Variants in INPP5A observed in about 807,000 individuals in gnomAD.
INPP5A encodes inositol polyphosphate-5-phosphatase A, also known as 43 kDa inositol polyphosphate 5-phophatase.
INPP5A carries 14 observed loss-of-function variants against 65.2 expected under a neutral mutation model. The ratio of observed to expected loss-of-function variants is 0.21; its 90% confidence interval spans 0.14 to 0.34. INPP5A has a LOEUF of 0.34. Ranked by LOEUF, INPP5A falls within the 10% of genes least tolerant of loss-of-function variation. INPP5A has a pLI of 1.00. For synonymous variants in INPP5A, 207 were observed against 208.3 expected, an observed-to-expected ratio of 0.99 and a Z score of 0.05; for missense variants, 431 against 545.6, an observed-to-expected ratio of 0.79 and a Z score of 2.09.
intron 12 of INPP5A, among the ~76,000 whole-genome samples, chr10:132,768,036 T>C (rs1212667224): frequency 4.9e-3 from 409 of 82,934 alleles, no homozygotes; most frequent in Admixed American, 7.1e-3. Flanking sequence ...CCGTGGACCC[T>C]GACCCTCAGC....
intron 3 of INPP5A, among the ~76,000 whole-genome samples, chr10:132,646,417 A>G (rs1590891781): frequency 6.6e-6 from 1 of 152,148 alleles, no homozygotes; most frequent in African/African-American, 2.4e-5. Context: ...CCCACTGTAC[A>G]TGCCCTGAGG....
At chr10:132,748,423 G>A (rs543598506) in intron 9 of INPP5A, among the ~76,000 whole-genome samples, 103 of 152,266 alleles carry the variant, frequency 6.8e-4, no homozygotes, top group African/African-American at 2.3e-3. Context: ...TCCCTTGTTC[G>A]GTGAGGTTCT....
At chr10:132,692,426 TC>T (rs1285012432) in intron 5 of INPP5A, among the ~76,000 whole-genome samples, 2 of 152,022 alleles carry the variant, frequency 1.3e-5, no homozygotes, top group Non-Finnish European at 2.9e-5. Context: ...AAACCACAGA[TC>T]CAGAAAGCTC....
At chr10:132,605,036 C>T (rs1473591036) in intron 1 of INPP5A, among the ~76,000 whole-genome samples, 1 of 151,968 alleles carries the variant, frequency 6.6e-6, no homozygotes, top group African/African-American at 2.4e-5. Flanking sequence ...CTTGTGTTTT[C>T]TGAGAATCAC....
intron 1 of INPP5A, among the ~76,000 whole-genome samples, chr10:132,573,337 T>C (rs12762390): frequency 0.012 from 1,422 of 122,770 alleles, 13 homozygotes; most frequent in Admixed American, 0.026. Context: ...GTGTGTGTGC[T>C]GTGTGAGGTT....
intron 9 of INPP5A, among the ~76,000 whole-genome samples, chr10:132,748,841 A>G (rs574205050): frequency 6.6e-6 from 1 of 152,260 alleles, no homozygotes; most frequent in Admixed American, 6.5e-5. Flanking sequence ...ACCCTGCAGC[A>G]CTGCTGCCCC....
At chr10:132,673,039 T>C (rs940830451) in intron 4 of INPP5A, among the ~76,000 whole-genome samples, 5 of 152,216 alleles carry the variant, frequency 3.3e-5, no homozygotes, top group African/African-American at 1.2e-4. Flanking sequence ...GACGCCCTAA[T>C]GGATCTCCTG....
intron 8 of INPP5A, among the ~76,000 whole-genome samples, chr10:132,720,714 G>C (rs1845855745): frequency 6.6e-6 from 1 of 150,742 alleles, no homozygotes; most frequent in Non-Finnish European, 1.5e-5. Context: ...GCTGTCTTCA[G>C]GGTTCTGTGG....
chr10:132,680,333 C>T (rs560805116), intron 4 of INPP5A, among the ~76,000 whole-genome samples: 57 of 152,280 alleles, frequency 3.7e-4, no homozygotes, highest in Admixed American at 7.2e-4. Context: ...TGGAGACGGC[C>T]GATAAGTACA....
intron 12 of INPP5A, among the ~76,000 whole-genome samples, chr10:132,773,599 G>A (rs1846993220): frequency 6.6e-6 from 1 of 152,210 alleles, no homozygotes; most frequent in Non-Finnish European, 1.5e-5. Context: ...GTGCTCAGGA[G>A]GGAGCGAGGC....
intron 4 of INPP5A, among the ~76,000 whole-genome samples, chr10:132,673,420 T>C (rs181810614): frequency 7.2e-5 from 11 of 152,336 alleles, no homozygotes; most frequent in Middle Eastern, 3.4e-3. Context: ...GTATCATATA[T>C]TGGACGCTGA....
intron 4 of INPP5A, among the ~76,000 whole-genome samples, chr10:132,680,573 C>T (rs1310247868): frequency 3.3e-5 from 5 of 152,226 alleles, no homozygotes; most frequent in Non-Finnish European, 4.4e-5. Flanking sequence ...CTGGAGGAGC[C>T]CTTCAGCCCA....
At chr10:132,687,870 G>A (rs1485554879) in intron 4 of INPP5A, among the ~76,000 whole-genome samples, 24 of 152,254 alleles carry the variant, frequency 1.6e-4, no homozygotes, top group Admixed American at 1.6e-3. Context: ...GGCCACCATG[G>A]CGTCGGTGCA....
intron 14 of INPP5A, 117 bp downstream of exon 14, chr10:132,781,034 T>G (rs1591011380): frequency 1.4e-6 from 1 of 726,154 alleles, no homozygotes; most frequent in Non-Finnish European, 2.4e-6. Flanking sequence ...TGGGCGGGGG[T>G]TGGCCAGTCT....
chr10:132,755,164 A>C (rs532501084), intron 11 of INPP5A, among the ~76,000 whole-genome samples: 22 of 149,702 alleles, frequency 1.5e-4, no homozygotes, highest in African/African-American at 5.4e-4. Flanking sequence ...TATGCATATG[A>C]GCGTGTGTGA....
intron 2 of INPP5A, among the ~76,000 whole-genome samples, chr10:132,631,858 G>C (rs917938938): frequency 1.3e-5 from 2 of 152,232 alleles, no homozygotes; most frequent in African/African-American, 4.8e-5. Context: ...TTTATTGACT[G>C]CCCTTTTTTC....
rs376161352 is a variant in INPP5A at position 132,772,370 on chromosome 10, G to A, written c.978-5301G>A. 3.3e-3 allele frequency among the ~76,000 whole-genome samples: 268 copies of A among 81,036 alleles called. 1 individual carries two copies. The highest frequency in any genetic ancestry group is 0.011 in the African/African-American group (232 of 20,330). The allele number at this position is 81,036 out of a possible 152,430, so 53.2% of individuals were successfully genotyped here. ...GCAGCCACCCCATGAAGAGTGGGACGGACACTCAGCACTGACACGGAGGCC... is the reference window on the plus strand; with the variant it reads ...GCAGCCACCCCATGAAGAGTGGGACAGACACTCAGCACTGACACGGAGGCC... On this transcript the variant is annotated intron_variant, in intron 12 of 15. Coordinates refer to ENST00000368594, the MANE Select transcript of INPP5A (RefSeq NM_005539.5).
At position 132,676,619 on chromosome 10, in the gene INPP5A, C is replaced by T. The variant is rs928289973; in HGVS notation, c.307-13773C>T. Among the ~76,000 whole-genome samples, 7 of 152,170 alleles carry T rather than the reference C, an allele frequency of 4.6e-5. No homozygotes were observed. Among genetic ancestry groups the T allele is most frequent in the South Asian group, 2.1e-4 (1 of 4,830 alleles). On this transcript the variant is annotated intron_variant, in intron 4 of 15. Coordinates refer to ENST00000368594, the MANE Select transcript of INPP5A (RefSeq NM_005539.5). This position sits in a 1 kb window ranked among gnomAD's most constrained non-coding sequence, Gnocchi z 4.0. ...GCCGCTGGCCTACAGACTGCTGTCC[C>T]GGCCAGTGCTCCGCTCCCTGCGCCC...
intron 9 of INPP5A, among the ~76,000 whole-genome samples, chr10:132,735,495 G>A (rs983832083): frequency 3.3e-5 from 5 of 152,338 alleles, no homozygotes; most frequent in East Asian, 1.9e-4. Flanking sequence ...GTGTTGGTAC[G>A]AAGGGACACG....
Sources: allele counts gnomAD v4.1 joint callset (sites outside exome capture counted in the v4.1 genomes callset), GRCh38; gene constraint gnomAD v4.1.1; non-coding constraint Gnocchi (gnomAD v3.1); transcripts MANE v1.5; gene names NCBI Gene and HGNC (gene_info 2026-07-23, HGNC 2026-07-21).